Variants in CSMD1 observed in about 807,000 individuals in gnomAD.
The protein encoded by CSMD1 is CUB and Sushi multiple domains 1, also known as CUB and sushi domain-containing protein 1.
In CSMD1, 213 loss-of-function variants were observed where a neutral mutation model predicts 417.5. The observed-to-expected ratio is 0.51, with a 90% CI of 0.46 to 0.57. The LOEUF is 0.57. Among genes scored for constraint, CSMD1 ranks in the 20% least tolerant of loss-of-function variants. CSMD1 has a pLI of 0.00. For synonymous variants in CSMD1, 2,862 were observed against 1,736.8 expected, an observed-to-expected ratio of 1.65 and a Z score of -16.11; for missense variants, 6,923 against 4,529.7, an observed-to-expected ratio of 1.53 and a Z score of -15.17.
chr8:3,143,444 T>C (rs1818633238), intron 40 of CSMD1, among the ~76,000 whole-genome samples: 1 of 152,218 alleles, frequency 6.6e-6, no homozygotes, highest in African/African-American at 2.4e-5. Context: ...ATCTCTGATA[T>C]CATACTCATC....
chr8:4,868,785 T>TAA (rs5889066), intron 1 of CSMD1, among the ~76,000 whole-genome samples: 135 of 149,992 alleles, frequency 9.0e-4, no homozygotes, highest in East Asian at 1.6e-3. Context: ...GTAAAAATTG[T>TAA]AAAAAAAAAG....
chr8:4,583,833 G>A lies in CSMD1; in HGVS notation c.302+53509C>T, dbSNP rs1207131663. ...CCCAGCCAGCAGTGGCAACCCACTC[G>A]TGTCCCCTTCCACACTGTGGAAGCT... is the stretch of plus-strand genomic sequence containing the variant. On this transcript the variant is annotated intron_variant, in intron 2 of 69. Coordinates refer to ENST00000635120, the MANE Select transcript of CSMD1 (RefSeq NM_033225.6). Among the ~76,000 whole-genome samples, 3 of 152,080 alleles carry A rather than the reference G, an allele frequency of 2.0e-5. No individual in the cohort carries two copies. In the East Asian group the frequency reaches 5.8e-4, roughly 29 times the overall value.
intron 3 of CSMD1, among the ~76,000 whole-genome samples, chr8:4,075,329 G>A (rs545167423): frequency 1.3e-5 from 2 of 152,216 alleles, no homozygotes; most frequent in South Asian, 2.1e-4. Flanking sequence ...CTTCACCTAA[G>A]AGAATATAGA....
chr8:3,568,801 T>G (rs1023928390), intron 10 of CSMD1, among the ~76,000 whole-genome samples: 4 of 152,030 alleles, frequency 2.6e-5, no homozygotes, highest in African/African-American at 9.7e-5. Flanking sequence ...AGGTCTTCCA[T>G]GATATATTTA....
chr8:3,185,147 G>A (rs1228847543), intron 36 of CSMD1, among the ~76,000 whole-genome samples: 1 of 152,230 alleles, frequency 6.6e-6, no homozygotes, highest in Non-Finnish European at 1.5e-5. Flanking sequence ...GGCCCCGAGG[G>A]CTTGCAGCTG....
chr8:3,961,624 A>G (rs770348912), intron 5 of CSMD1, among the ~76,000 whole-genome samples: 2 of 152,228 alleles, frequency 1.3e-5, no homozygotes, highest in South Asian at 2.1e-4. Context: ...TTGTAACACA[A>G]AATCTGTTTT....
At chr8:3,138,698 G>C (rs906079587) in intron 41 of CSMD1, among the ~76,000 whole-genome samples, 4 of 152,204 alleles carry the variant, frequency 2.6e-5, no homozygotes, top group African/African-American at 9.6e-5. Flanking sequence ...ACGTGCAAGA[G>C]CTCTGAGGTA....
chr8:3,768,528 T>C (rs1798407061), intron 5 of CSMD1, among the ~76,000 whole-genome samples: 1 of 152,202 alleles, frequency 6.6e-6, no homozygotes, highest in African/African-American at 2.4e-5. Flanking sequence ...TGAGACAATT[T>C]ATAAGAAAGT....
chr8:4,386,935 G>A (rs1371395005), intron 3 of CSMD1, among the ~76,000 whole-genome samples: 1 of 152,178 alleles, frequency 6.6e-6, no homozygotes, highest in Non-Finnish European at 1.5e-5. Context: ...TAATACTATT[G>A]ATAGAAAAAT....
chr8:3,413,774 A>C (rs1426530606), intron 12 of CSMD1, among the ~76,000 whole-genome samples: 1 of 152,200 alleles, frequency 6.6e-6, no homozygotes, highest in Non-Finnish European at 1.5e-5. Flanking sequence ...GATACTGTTG[A>C]CAATGATACA....
chr8:4,061,872 T>C (rs181677603), intron 3 of CSMD1, among the ~76,000 whole-genome samples: 4 of 152,210 alleles, frequency 2.6e-5, no homozygotes, highest in Admixed American at 2.0e-4. Flanking sequence ...TTTCCATGAC[T>C]TGACAACTTC....
chr8:3,853,134 G>T (rs1804029327), intron 5 of CSMD1, among the ~76,000 whole-genome samples: 1 of 152,118 alleles, frequency 6.6e-6, no homozygotes, highest in Non-Finnish European at 1.5e-5. Flanking sequence ...GCAGCAGGTG[G>T]CTGAGCCCGC....
chr8:3,488,960 T>C (rs753779572), intron 11 of CSMD1, among the ~76,000 whole-genome samples: 1 of 152,250 alleles, frequency 6.6e-6, no homozygotes, highest in East Asian at 1.9e-4. Context: ...TCAATATCTT[T>C]ATATCTTTAT....
intron 1 of CSMD1, among the ~76,000 whole-genome samples, chr8:4,914,439 G>C (rs1171000823): frequency 1.3e-5 from 2 of 151,986 alleles, no homozygotes; most frequent in Non-Finnish European, 2.9e-5. Flanking sequence ...TTAACCGGGT[G>C]AGGTGGCGGG....
intron 23 of CSMD1, among the ~76,000 whole-genome samples, chr8:3,319,255 C>T (rs375800222): frequency 2.0e-5 from 3 of 152,132 alleles, no homozygotes; most frequent in African/African-American, 7.2e-5. Context: ...TTGACTATCC[C>T]GAGCATTTGA....
At chr8:3,855,963 G>A (rs573692003) in intron 5 of CSMD1, among the ~76,000 whole-genome samples, 1 of 152,082 alleles carries the variant, frequency 6.6e-6, no homozygotes, top group South Asian at 2.1e-4. Flanking sequence ...CCCTACTACT[G>A]AGTTTCATGA....
At chr8:3,194,919 A>T (rs753968078) in intron 33 of CSMD1, among the ~76,000 whole-genome samples, 17 of 152,080 alleles carry the variant, frequency 1.1e-4, no homozygotes, top group Non-Finnish European at 2.4e-4. Flanking sequence ...AGAGATGGTG[A>T]CCCGGAAAAC....
intron 1 of CSMD1, among the ~76,000 whole-genome samples, chr8:4,746,463 C>G (rs1810959555): frequency 6.6e-6 from 1 of 152,194 alleles, no homozygotes; most frequent in Middle Eastern, 3.2e-3. Flanking sequence ...CAATATCAGG[C>G]TCCCTCAAGA....
chr8:3,846,844 T>C (rs1205205956), intron 5 of CSMD1, among the ~76,000 whole-genome samples: 1 of 152,076 alleles, frequency 6.6e-6, no homozygotes, highest in Admixed American at 6.6e-5. Context: ...TGGCTAATTT[T>C]TTGTATATTT....
Sources: allele counts gnomAD v4.1 joint callset (sites outside exome capture counted in the v4.1 genomes callset), GRCh38; gene constraint gnomAD v4.1.1; transcripts MANE v1.5; gene names NCBI Gene and HGNC (gene_info 2026-07-23, HGNC 2026-07-21).